UNC13C: variants seen among roughly 807,000 people sequenced by gnomAD.
UNC13C encodes unc-13 homolog C.
UNC13C carries 174 observed loss-of-function variants against 245.4 expected under a neutral mutation model. The observed-to-expected ratio is 0.71, with a 90% confidence interval of 0.63 to 0.80. The LOEUF (loss-of-function observed/expected upper bound fraction) is 0.80, where lower values mean the gene tolerates loss of function less well. Ranked by LOEUF, UNC13C falls within the 30% of genes least tolerant of loss-of-function variation. UNC13C has a pLI of 0.00. For missense variants in UNC13C, 2,829 were observed against 2,602.9 expected, an observed-to-expected ratio of 1.09 and a Z score of -1.89; for synonymous variants, 992 against 895.1, an observed-to-expected ratio of 1.11 and a Z score of -1.93.
intron 26 of UNC13C, among the ~76,000 whole-genome samples, chr15:54,544,916 T>C (rs1896417943): frequency 6.6e-6 from 1 of 152,136 alleles, no homozygotes. Context: ...CAAGCTACCA[T>C]TAACTTTCTT....
chr15:53,976,282 C>T (rs1893691624), upstream of UNC13C, among the ~76,000 whole-genome samples: 2 of 152,088 alleles, frequency 1.3e-5, no homozygotes, highest in South Asian at 4.1e-4. Flanking sequence ...GCACTGCATT[C>T]ATTAAAACAC....
At chr15:54,354,303 T>A (rs2140849159) in intron 17 of UNC13C, among the ~76,000 whole-genome samples, 1 of 152,346 alleles carries the variant, frequency 6.6e-6, no homozygotes, top group East Asian at 1.9e-4. Flanking sequence ...CATCAATACT[T>A]GCCTTGTTTT....
At chr15:54,298,236 A>T (rs2037486372) in intron 12 of UNC13C, among the ~76,000 whole-genome samples, 1 of 152,202 alleles carries the variant, frequency 6.6e-6, no homozygotes, top group African/African-American at 2.4e-5. Flanking sequence ...AGTGTTAAAA[A>T]TATTGATTGA....
chr15:54,335,442 G>A (rs1448810822), intron 16 of UNC13C, among the ~76,000 whole-genome samples: 1 of 151,594 alleles, frequency 6.6e-6, no homozygotes, highest in African/African-American at 2.4e-5. Flanking sequence ...TCACTCTTTT[G>A]TTGTACAGTC....
At chr15:54,422,597 C>T (rs1179198816) in intron 19 of UNC13C, among the ~76,000 whole-genome samples, 1 of 151,884 alleles carries the variant, frequency 6.6e-6, no homozygotes, top group Non-Finnish European at 1.5e-5. Context: ...TCATGACTTC[C>T]TTAACTGAGC....
chr15:54,231,843 T>C (rs1446199218), intron 4 of UNC13C, among the ~76,000 whole-genome samples: 4 of 152,110 alleles, frequency 2.6e-5, no homozygotes, highest in African/African-American at 9.7e-5. Context: ...GTTCATCAAG[T>C]CTAGACAGTT....
chr15:53,921,282 A>T, the UNC13C span, among the ~76,000 whole-genome samples: 1 of 152,194 alleles, frequency 6.6e-6, no homozygotes, highest in African/African-American at 2.4e-5. Context: ...ACTGGTTCTA[A>T]TAAAAAGGCC....
intron 2 of UNC13C, among the ~76,000 whole-genome samples, chr15:54,137,389 A>T (rs1307653860): frequency 6.6e-6 from 1 of 152,064 alleles, no homozygotes; most frequent in Non-Finnish European, 1.5e-5. Flanking sequence ...CTCCTCTTCA[A>T]TTTTTTGAAG....
At chr15:54,631,539 T>A (rs1901457796), downstream of UNC13C, 1 of 152,204 alleles carries the variant, frequency 6.6e-6, no homozygotes, top group South Asian at 2.1e-4. Context: ...TCTGCAGCAC[T>A]GGTTCATTTT....
intron 28 of UNC13C, among the ~76,000 whole-genome samples, chr15:54,552,607 AT>A (rs533491878): frequency 1.1e-4 from 9 of 81,046 alleles, no homozygotes; most frequent in East Asian, 7.4e-4. Flanking sequence ...ATAATATATA[AT>A]TATATAATTA....
At chr15:54,065,769 A>G (rs896834923) in intron 2 of UNC13C, among the ~76,000 whole-genome samples, 2 of 152,278 alleles carry the variant, frequency 1.3e-5, no homozygotes, top group Admixed American at 6.5e-5. Flanking sequence ...TGCAAGTGAG[A>G]CTGGGAAATA....
intron 17 of UNC13C, among the ~76,000 whole-genome samples, chr15:54,342,877 A>G (rs2038768387): frequency 6.6e-6 from 1 of 152,188 alleles, no homozygotes; most frequent in Non-Finnish European, 1.5e-5. Context: ...ATACTTGTTC[A>G]TAACTTTAGC....
chr15:54,448,261 G>A (rs934152779), intron 19 of UNC13C, among the ~76,000 whole-genome samples: 3 of 152,174 alleles, frequency 2.0e-5, no homozygotes, highest in African/African-American at 4.8e-5. Context: ...TTGATTTGGG[G>A]TGGAGAGTTC....
At chr15:54,004,707 C>T (rs967611644) in intron 1 of UNC13C, among the ~76,000 whole-genome samples, 7 of 152,138 alleles carry the variant, frequency 4.6e-5, no homozygotes, top group East Asian at 1.9e-4. Flanking sequence ...CCATTTTAAC[C>T]GGAGCGAGGT....
At chr15:54,069,297 T>G (rs1204062229) in intron 2 of UNC13C, among the ~76,000 whole-genome samples, 2 of 152,198 alleles carry the variant, frequency 1.3e-5, no homozygotes, top group Non-Finnish European at 2.9e-5. Flanking sequence ...GTGCAAAGGT[T>G]CTATGATACC....
the UNC13C span, among the ~76,000 whole-genome samples, chr15:53,931,516 T>G: frequency 2.6e-5 from 4 of 151,928 alleles, no homozygotes; most frequent in Admixed American, 2.0e-4. Context: ...GTGGGTGGGG[T>G]GTATGCATAT....
At chr15:54,120,354 C>T (rs1044422230) in intron 2 of UNC13C, among the ~76,000 whole-genome samples, 1 of 152,118 alleles carries the variant, frequency 6.6e-6, no homozygotes, top group African/African-American at 2.4e-5. Flanking sequence ...AATGGAGCCA[C>T]AAACCTGGAT....
chr15:54,124,457 G>C (rs570317333), intron 2 of UNC13C, among the ~76,000 whole-genome samples: 11 of 152,142 alleles, frequency 7.2e-5, no homozygotes, highest in African/African-American at 2.7e-4. Flanking sequence ...ATAACTGTCT[G>C]TATCTTTTGC....
chr15:54,062,843 G>A (rs1420986389), intron 2 of UNC13C, among the ~76,000 whole-genome samples: 1 of 152,162 alleles, frequency 6.6e-6, no homozygotes, highest in African/African-American at 2.4e-5. Flanking sequence ...TGCAAATACT[G>A]GGAACTGAGA....
Sources: gnomAD v4.1 joint callset for allele counts (sites outside exome capture counted in the v4.1 genomes callset) on GRCh38, gnomAD v4.1.1 for gene constraint, MANE v1.5 for transcripts, NCBI Gene and HGNC (gene_info 2026-07-23, HGNC 2026-07-21) for gene names.